KANK2: variants seen among roughly 807,000 people sequenced by gnomAD.
KANK2 encodes KN motif and ankyrin repeat domains 2.
Under a neutral mutation model 74.6 loss-of-function variants are expected in KANK2, and 41 were observed. The ratio of observed to expected loss-of-function variants is 0.55; its 90% confidence interval spans 0.43 to 0.71. The LOEUF (loss-of-function observed/expected upper bound fraction) is 0.71. Among genes scored for constraint, KANK2 ranks in the 30% least tolerant of loss-of-function variants. The pLI is 0.00. For missense variants in KANK2, 1,148 were observed against 1,196.4 expected, an observed-to-expected ratio of 0.96 and a Z score of 0.60; for synonymous variants, 537 against 519.0, an observed-to-expected ratio of 1.03 and a Z score of -0.47.
Position 11,170,469 on chromosome 19 carries a change from G to A in KANK2, c.2212-221C>T, listed in dbSNP as rs2078144415. 1 of 585,926 alleles carries A rather than the reference G, an allele frequency of 1.7e-6. No homozygotes were observed. Among genetic ancestry groups the A allele is most frequent in the African/African-American group, 1.9e-5 (1 of 53,628 alleles). 36.3% of individuals were successfully genotyped at this position (585,926 alleles called of 1,614,324 possible). ...TGGTTGCCAGAGGCTGGGAGAAGCGGGGGCGGAGGAAATGATGGATACAGG... is the reference window on the plus strand; with the variant it reads ...TGGTTGCCAGAGGCTGGGAGAAGCGAGGGCGGAGGAAATGATGGATACAGG... On this transcript the variant is annotated intron_variant, in intron 10 of 12. Transcript: ENST00000586659. This position sits in a 1 kb window ranked among gnomAD's most constrained non-coding sequence, Gnocchi z 5.2.
At chr19:11,181,783 G>A (rs1244474176) in intron 4 of KANK2, among the ~76,000 whole-genome samples, 2 of 152,068 alleles carry the variant, frequency 1.3e-5, no homozygotes, top group Non-Finnish European at 1.5e-5. Context: ...GAGCCCAGGA[G>A]TGTGAGACCA....
intron 4 of KANK2, among the ~76,000 whole-genome samples, chr19:11,183,024 T>C (rs909906427): frequency 3.3e-5 from 5 of 152,098 alleles, no homozygotes; most frequent in African/African-American, 4.8e-5. Context: ...AAATTGATGA[T>C]ACTTATTATT....
intron 10 of KANK2, among the ~76,000 whole-genome samples, chr19:11,171,781 C>T (rs1435079664): frequency 6.6e-6 from 1 of 151,418 alleles, no homozygotes; most frequent in Non-Finnish European, 1.5e-5. Flanking sequence ...TGGGTTCAAG[C>T]GATTCTCCTG....
chr19:11,167,185 C>G (rs979979691), intron 12 of KANK2, among the ~76,000 whole-genome samples: 2 of 152,018 alleles, frequency 1.3e-5, no homozygotes, highest in African/African-American at 4.8e-5. Flanking sequence ...CCTGCCTCAG[C>G]CTCCTTAGTA....
In KANK2 at chr19:11,176,811, C is replaced by T. The variant is rs2078354029; in HGVS notation, c.1527G>A (p.Glu509=). ...LQFVGVNGGY[E]SSSEDSSTAE... ...CTGTGCTGGAGTCCTCGGATGACGA[C>T]TCATACCTGGGGAGGAACGAGCGGG... The change falls in exon 7 of 13, where the codon GAG becomes GAA. Residue 509 remains glutamate, a synonymous_variant. Coordinates refer to ENST00000586659, the MANE Select transcript of KANK2 (RefSeq NM_001136191.3). 6.6e-7 allele frequency: 1 copy of T among 1,515,846 alleles called. No homozygotes were observed. Among genetic ancestry groups the T allele is most frequent in the Non-Finnish European group, 8.9e-7 (1 of 1,129,602 alleles). 93.9% of individuals were successfully genotyped at this position (1,515,846 alleles called of 1,614,324 possible).
intron 7 of KANK2, among the ~76,000 whole-genome samples, chr19:11,176,316 A>T (rs1369599250): frequency 6.6e-6 from 1 of 152,228 alleles, no homozygotes; most frequent in African/African-American, 2.4e-5. Flanking sequence ...GAAACGTCCC[A>T]AAGTAGGTGG....
chr19:11,174,471 A>T lies in KANK2; in HGVS notation c.2068+2T>A. On this transcript the variant is annotated splice_donor_variant, in intron 9 of 12. Transcript: ENST00000586659. LOFTEE classifies it high-confidence loss of function. ...CCGCCTCGTCCTCCCCGCTGGGCTC[A>T]CCGCTGTCGAGCAGCTGCTGCACCA... 6.2e-7 allele frequency: 1 copy of T among 1,603,742 alleles called. No homozygotes were observed. Among genetic ancestry groups the T allele is most frequent in the Non-Finnish European group, 8.5e-7 (1 of 1,175,336 alleles).
intron 10 of KANK2, among the ~76,000 whole-genome samples, chr19:11,172,109 G>A (rs147627983): frequency 1.3e-5 from 2 of 151,484 alleles, no homozygotes; most frequent in Non-Finnish European, 2.9e-5. Context: ...CCGAGTGGCT[G>A]GGATTATAGG....
rs144481228 is a variant in KANK2, at chr19:11,193,874, C to T, written c.206G>A (p.Arg69His). 3.4e-5 allele frequency: 55 copies of T among 1,613,174 alleles called. No homozygotes were observed. Among genetic ancestry groups the T allele is most frequent in the Non-Finnish European group, 2.7e-5 (32 of 1,179,794 alleles). ...LRRVAVQRRP[R>H]LSSLPRGPGS... ...AGGGCCACGGGGCAGCGAGCTCAGG[C>T]GGGGGCGGCGCTGCACTGCCACGCG... is the stretch of plus-strand genomic sequence containing the variant. The change falls in exon 4 of 13, where the codon CGC becomes CAC. Residue 69 changes from arginine to histidine, a missense_variant. Arg to His is a conservative substitution (Grantham distance 29, BLOSUM62 0). Coordinates refer to ENST00000586659, the MANE Select transcript of KANK2 (RefSeq NM_001136191.3). This position sits in a 1 kb window ranked among gnomAD's most constrained non-coding sequence, Gnocchi z 9.6.
chr19:11,167,794 C>T (rs1009878106), intron 12 of KANK2, among the ~76,000 whole-genome samples: 6 of 151,910 alleles, frequency 3.9e-5, no homozygotes, highest in African/African-American at 1.5e-4. Flanking sequence ...TCCCAAAGTG[C>T]TGGGATTACA....
intron 1 of KANK2, 112 bp from the exon 2 acceptor site, chr19:11,195,932 T>G (rs1389481365): frequency 8.4e-6 from 1 of 119,166 alleles, no homozygotes; most frequent in Non-Finnish European, 1.6e-5. Context: ...CAAAGAGAGA[T>G]GGAGAAGCAG....
intron 4 of KANK2, 60 bp downstream of exon 4, chr19:11,192,771 G>C: frequency 1.3e-6 from 2 of 1,564,748 alleles, no homozygotes; most frequent in Non-Finnish European, 1.7e-6. Flanking sequence ...GATGAGCCAT[G>C]GGAAGAAAGA....
intron 12 of KANK2, among the ~76,000 whole-genome samples, chr19:11,168,617 G>A (rs772276662): frequency 6.6e-6 from 1 of 152,124 alleles, no homozygotes; most frequent in Non-Finnish European, 1.5e-5. Flanking sequence ...CATAAGGGTG[G>A]ATACTGTTTT....
At chr19:11,179,951 C>T (rs1254780123) in intron 4 of KANK2, among the ~76,000 whole-genome samples, 1 of 152,216 alleles carries the variant, frequency 6.6e-6, no homozygotes, top group Admixed American at 6.5e-5. Flanking sequence ...ACCTGTGCCT[C>T]CCGGATTCAA....
In KANK2 at chr19:11,190,362, A is replaced by T. The variant is rs535532829; in HGVS notation, c.1249+2469T>A. On this transcript the variant is annotated intron_variant, in intron 4 of 12. Coordinates refer to ENST00000586659, the MANE Select transcript of KANK2 (RefSeq NM_001136191.3). ...AGGCTGGTCTTGAACCCCTGAGCTCAGGTTATCCACCCACCTCGGCCTCCC... is the reference window on the plus strand; with the variant it reads ...AGGCTGGTCTTGAACCCCTGAGCTCTGGTTATCCACCCACCTCGGCCTCCC... Among the ~76,000 whole-genome samples the T allele has an allele frequency of 2.4e-3, 360 of 152,138 alleles. 2 individuals are homozygous for T. Among genetic ancestry groups the T allele is most frequent in the Non-Finnish European group, 3.9e-3 (265 of 67,992 alleles).
In KANK2 at chr19:11,178,633, C is replaced by A; in HGVS notation, c.1337G>T (p.Arg446Leu). 2 of 1,591,146 alleles carry A rather than the reference C, an allele frequency of 1.3e-6. No homozygotes were observed. The highest frequency in any genetic ancestry group is 1.7e-6 in the Non-Finnish European group (2 of 1,172,022). The change falls in exon 5 of 13, where the codon CGA becomes CTA. Residue 446 changes from arginine (R) to leucine (L), a missense_variant. Physicochemically the swap from Arg to Leu is moderately radical, Grantham distance 102. Transcript: ENST00000586659. ...SLTQPEKSTG[R>L]VPTQEPTHRE... ...GTGGGTGGGCTCCTGGGTGGGCACT[C>A]GGCCTGTGCTCTTCTCAGGCTGTGT...
chr19:11,166,895 G>A (rs542263434), intron 12 of KANK2, among the ~76,000 whole-genome samples: 1 of 152,260 alleles, frequency 6.6e-6, no homozygotes, highest in African/African-American at 2.4e-5. Context: ...AGGAGCCAGC[G>A]AGCAGGGAAG....
At position 11,193,598 on chromosome 19, in the gene KANK2, C is replaced by T. The variant is rs2078925058; in HGVS notation, c.482G>A (p.Gly161Asp). The T allele has an allele frequency of 8.8e-6, 14 of 1,584,702 alleles. No individual in the cohort carries two copies. Among genetic ancestry groups the T allele is most frequent in the Non-Finnish European group, 1.1e-5 (13 of 1,167,136 alleles). The change falls in exon 4 of 13, where the codon GGC becomes GAC. Residue 161 changes from glycine to aspartate, a missense_variant. By Grantham distance (94) the Gly-to-Asp change is moderately conservative (BLOSUM62 -1). Transcript: ENST00000586659. The surrounding 1 kb of genome is among the most constrained non-coding windows in gnomAD (Gnocchi z 9.6). Reference protein sequence around the residue: ...SAAGSTASLVGVGLPPPTPRS... With the variant: ...SAAGSTASLVDVGLPPPTPRS... ...TGGTGTCGGGGGTGGCAACCCCACG[C>T]CCACCAGGGAGGCTGTCGAGCCGGC...
intron 2 of KANK2, 47 bp from the exon 3 acceptor site, chr19:11,194,637 G>A (rs540167030): frequency 4.1e-6 from 3 of 740,034 alleles, no homozygotes; most frequent in Admixed American, 4.0e-5. Context: ...TCTGTAGGGG[G>A]AGGGGAGGAG....
Sources: gnomAD v4.1 joint callset for allele counts (sites outside exome capture counted in the v4.1 genomes callset) on GRCh38, gnomAD v4.1.1 for gene constraint, Gnocchi (gnomAD v3.1) non-coding constraint, MANE v1.5 for transcripts, NCBI Gene and HGNC (gene_info 2026-07-23, HGNC 2026-07-21) for gene names.